Variants in GRB10 observed in about 807,000 individuals in gnomAD.
GRB10 encodes growth factor receptor bound protein 10.
A neutral mutation model predicts 80.9 loss-of-function variants in GRB10; 20 were observed. The ratio of observed to expected loss-of-function variants is 0.25; its 90% CI spans 0.17 to 0.36. The LOEUF is 0.36. GRB10 is among the 10% of genes least tolerant of loss of function. The pLI, the probability that GRB10 is intolerant of heterozygous loss-of-function variation, is 1.00. For synonymous variants in GRB10, 291 were observed against 291.5 expected, an observed-to-expected ratio of 1.00 and a Z score of 0.02; for missense variants, 548 against 747.7, an observed-to-expected ratio of 0.73 and a Z score of 3.12.
At chr7:50,660,626 G>A (rs1349348490) in intron 7 of GRB10, among the ~76,000 whole-genome samples, 4 of 152,128 alleles carry the variant, frequency 2.6e-5, no homozygotes, top group African/African-American at 7.2e-5. Flanking sequence ...CGGTGCAGAC[G>A]GGAAATGGTT....
chr7:50,672,138 G>GT (rs1266816669), intron 6 of GRB10, among the ~76,000 whole-genome samples: 2 of 152,162 alleles, frequency 1.3e-5, no homozygotes, highest in Non-Finnish European at 2.9e-5. Context: ...CCCTTCCCAA[G>GT]TGTCTCCTCT....
In GRB10 at chr7:50,592,957, A is replaced by C; in HGVS notation, c.1780T>G (p.Leu594Val). ...KLKHHCIRVA[L>V] Reference sequence around the variant, plus strand: ...AGCCGAGAGGACATCTGCGGTCATAAGGCCACTCGGATGCAGTGGTGCTTG... The same window carrying C: ...AGCCGAGAGGACATCTGCGGTCATACGGCCACTCGGATGCAGTGGTGCTTG... Residue 594 changes from leucine (L) to valine (V), a missense_variant, in exon 19 of 19, where the codon TTA becomes GTA. Leu to Val is a conservative substitution (Grantham distance 32). Coordinates refer to ENST00000401949, the MANE Select transcript of GRB10 (RefSeq NM_001350814.2). The C allele has an allele frequency of 6.2e-7, 1 of 1,614,192 alleles. No individual in the cohort carries two copies.
chr7:50,642,925 T>A (rs950808338), intron 7 of GRB10, among the ~76,000 whole-genome samples: 1 of 152,154 alleles, frequency 6.6e-6, no homozygotes, highest in Non-Finnish European at 1.5e-5. Flanking sequence ...CTGGACAACA[T>A]CATCAGGACA....
At chr7:50,663,304 G>T (rs975296165) in intron 7 of GRB10, among the ~76,000 whole-genome samples, 4 of 152,138 alleles carry the variant, frequency 2.6e-5, no homozygotes, top group African/African-American at 9.7e-5. Context: ...TACCTCTCTG[G>T]CCCTTGTTCC....
At chr7:50,725,229 C>G (rs1587524752) in intron 4 of GRB10, among the ~76,000 whole-genome samples, 1 of 152,316 alleles carries the variant, frequency 6.6e-6, no homozygotes, top group East Asian at 1.9e-4. Context: ...TAAGTTGCCA[C>G]GAGACCTGGT....
intron 7 of GRB10, among the ~76,000 whole-genome samples, chr7:50,643,981 C>T (rs1403420406): frequency 6.6e-6 from 1 of 152,118 alleles, no homozygotes; most frequent in Non-Finnish European, 1.5e-5. Flanking sequence ...CTGCGGCTCT[C>T]CTCTCTTCAC....
intron 12 of GRB10, 43 bp downstream of exon 12, chr7:50,614,727 G>C: frequency 8.2e-7 from 1 of 1,213,868 alleles, no homozygotes; most frequent in Middle Eastern, 2.0e-4. Flanking sequence ...GTCTCCTGTG[G>C]GCTGCTGAGC....
chr7:50,652,885 C>T (rs2058161171), intron 7 of GRB10, among the ~76,000 whole-genome samples: 1 of 152,188 alleles, frequency 6.6e-6, no homozygotes, highest in East Asian at 1.9e-4. Flanking sequence ...CTTGATCCTC[C>T]AATGGCCCAG....
intron 12 of GRB10, among the ~76,000 whole-genome samples, chr7:50,613,298 G>C (rs1409035218): frequency 1.3e-5 from 2 of 152,078 alleles, no homozygotes; most frequent in African/African-American, 4.8e-5. Context: ...GCTTAGCCAA[G>C]AGGGGCAACC....
At chr7:50,757,113 G>GT (rs2075192494) in intron 2 of GRB10, among the ~76,000 whole-genome samples, 1 of 152,180 alleles carries the variant, frequency 6.6e-6, no homozygotes, top group South Asian at 2.1e-4. Context: ...TCAAATGGCT[G>GT]TTTTTTGAAA....
intron 7 of GRB10, among the ~76,000 whole-genome samples, chr7:50,664,071 G>A (rs574277759): frequency 7.9e-5 from 12 of 152,316 alleles, no homozygotes; most frequent in African/African-American, 2.2e-4. Flanking sequence ...CTGATGGGCG[G>A]TGGCTGTGGA....
intron 2 of GRB10, among the ~76,000 whole-genome samples, chr7:50,759,213 A>G (rs1387831970): frequency 6.6e-6 from 1 of 151,998 alleles, no homozygotes; most frequent in African/African-American, 2.4e-5. Flanking sequence ...AAAAAAAGAA[A>G]AGAAATGCCA....
At chr7:50,594,111 A>G (rs2046230632) in intron 18 of GRB10, among the ~76,000 whole-genome samples, 1 of 152,236 alleles carries the variant, frequency 6.6e-6, no homozygotes, top group African/African-American at 2.4e-5. Context: ...TTGTCTATGC[A>G]GCACTTTCCC....
intron 13 of GRB10, among the ~76,000 whole-genome samples, chr7:50,610,717 A>C (rs555184002): frequency 1.3e-5 from 2 of 152,336 alleles, no homozygotes; most frequent in East Asian, 3.9e-4. Context: ...ACAAACAGTA[A>C]AGTGATAAAG....
At chr7:50,711,892 A>T (rs1413510452) in intron 4 of GRB10, among the ~76,000 whole-genome samples, 2 of 152,198 alleles carry the variant, frequency 1.3e-5, no homozygotes, top group Non-Finnish European at 2.9e-5. Context: ...TCTAATGGGT[A>T]CTGTTGCTAC....
intron 5 of GRB10, among the ~76,000 whole-genome samples, chr7:50,678,456 CTT>C (rs34523643): frequency 6.6e-6 from 1 of 152,140 alleles, no homozygotes; most frequent in Non-Finnish European, 1.5e-5. Context: ...AAAAATAAAA[CTT>C]TTTAGAAATT....
chr7:50,603,836 C>A (rs2048045418), intron 17 of GRB10, among the ~76,000 whole-genome samples, 162 bp downstream of exon 17: 1 of 152,248 alleles, frequency 6.6e-6, no homozygotes, highest in African/African-American at 2.4e-5. Flanking sequence ...GCTGGGCAAG[C>A]CCTGCGTACC....
chr7:50,669,662 T>G lies in GRB10; in HGVS notation c.504+60A>C. 2.7e-6 allele frequency: 4 copies of G among 1,505,592 alleles called. No homozygotes were observed. In the South Asian group the frequency reaches 3.4e-5, roughly 13 times the overall value. The allele number at this position is 1,505,592 out of a possible 1,614,324, so 93.3% of individuals were successfully genotyped here. On this transcript the variant is annotated intron_variant, in intron 7 of 18. Coordinates refer to ENST00000401949, the MANE Select transcript of GRB10 (RefSeq NM_001350814.2). ...CCAAAGTAATAATCTGGCACATCTGTGCAGATCCCAATAATCTGGCATATC... is the reference window on the plus strand; with the variant it reads ...CCAAAGTAATAATCTGGCACATCTGGGCAGATCCCAATAATCTGGCATATC...
intron 3 of GRB10, among the ~76,000 whole-genome samples, chr7:50,734,141 A>C (rs1390058678): frequency 6.6e-6 from 1 of 152,132 alleles, no homozygotes; most frequent in East Asian, 1.9e-4. Context: ...CTAGCCGTTG[A>C]GGTGGATCAG....
Sources: gnomAD v4.1 joint callset for allele counts (sites outside exome capture counted in the v4.1 genomes callset) on GRCh38, gnomAD v4.1.1 for gene constraint, MANE v1.5 for transcripts, NCBI Gene and HGNC (gene_info 2026-07-23, HGNC 2026-07-21) for gene names.